The following ANKRD28 variants were observed in gnomAD, a reference collection of about 807,000 sequenced individuals.
ANKRD28 encodes the protein ankyrin repeat domain 28.
Under a neutral mutation model 126.5 loss-of-function variants are expected in ANKRD28, and 44 were observed. The ratio of observed to expected loss-of-function variants is 0.35; its 90% CI spans 0.27 to 0.45. The LOEUF is 0.45. Ranked by LOEUF, ANKRD28 falls within the 20% of genes least tolerant of loss-of-function variation. The pLI is 1.00. For missense variants in ANKRD28, 1,110 were observed against 1,316.6 expected, an observed-to-expected ratio of 0.84 and a Z score of 2.43; for synonymous variants, 442 against 468.5, an observed-to-expected ratio of 0.94 and a Z score of 0.73.
intron 14 of ANKRD28, among the ~76,000 whole-genome samples, chr3:15,705,268 A>G (rs1157014005): frequency 2.0e-5 from 3 of 152,264 alleles, no homozygotes; most frequent in South Asian, 4.1e-4. Context: ...AGATTGGCTT[A>G]CAATGAAACC....
At position 15,815,398 on chromosome 3, in the gene ANKRD28, A is replaced by T. The variant is rs1319631631; in HGVS notation, c.28-20092T>A. 3.3e-5 allele frequency among the ~76,000 whole-genome samples: 5 copies of T among 152,090 alleles called. No homozygotes were observed. The highest frequency in any genetic ancestry group is 4.4e-5 in the Non-Finnish European group (3 of 68,012). On this transcript the variant is annotated intron_variant, in intron 1 of 27. Coordinates refer to the ANKRD28 transcript ENST00000399451. This position sits in a 1 kb window ranked among gnomAD's most constrained non-coding sequence, Gnocchi z 4.1. ...TGTAGTTTCAACCTCCTGGGTTCAA[A>T]TGATCCTCCCACCTCAGCCTCCTCA...
upstream of ANKRD28, among the ~76,000 whole-genome samples, chr3:15,799,051 T>G (rs1017234211): frequency 6.6e-6 from 1 of 152,146 alleles, no homozygotes; most frequent in African/African-American, 2.4e-5. Context: ...ATTAATAAAG[T>G]TGTGTGTTAT....
At chr3:15,842,842 C>A (rs776245916) in intron 1 of ANKRD28, among the ~76,000 whole-genome samples, 1 of 152,084 alleles carries the variant, frequency 6.6e-6, no homozygotes, top group African/African-American at 2.4e-5. Context: ...TTTTCACTAA[C>A]CAAAGAAATT....
At chr3:15,841,062 T>A (rs1380893648) in intron 1 of ANKRD28, among the ~76,000 whole-genome samples, 1 of 152,098 alleles carries the variant, frequency 6.6e-6, no homozygotes, top group Non-Finnish European at 1.5e-5. Context: ...TGCTTGAACC[T>A]GGGAGGCAGA....
At chr3:15,855,115 G>A (rs1307379001) in intron 1 of ANKRD28, among the ~76,000 whole-genome samples, 1 of 152,014 alleles carries the variant, frequency 6.6e-6, no homozygotes, top group African/African-American at 2.4e-5. Flanking sequence ...TGAATATCTG[G>A]GCATCAGTGT....
intron 4 of ANKRD28, among the ~76,000 whole-genome samples, chr3:15,742,047 T>C (rs1337687297): frequency 6.6e-6 from 1 of 152,110 alleles, no homozygotes; most frequent in African/African-American, 2.4e-5. Flanking sequence ...TGCTCAATGG[T>C]GCCCAGGCTG....
chr3:15,784,890 G>A (rs897789255), intron 2 of ANKRD28, among the ~76,000 whole-genome samples: 1 of 152,046 alleles, frequency 6.6e-6, no homozygotes, highest in African/African-American at 2.4e-5. Flanking sequence ...TCCACTGGCA[G>A]AATCTGTCCA....
intron 3 of ANKRD28, among the ~76,000 whole-genome samples, chr3:15,752,662 A>G (rs941452089): frequency 1.3e-5 from 2 of 152,236 alleles, no homozygotes; most frequent in Non-Finnish European, 1.5e-5. Flanking sequence ...CCTATAAGCA[A>G]TCCTAGATTT....
chr3:15,751,678 T>C (rs1220706357), intron 4 of ANKRD28, 72 bp downstream of exon 4: 2 of 995,146 alleles, frequency 2.0e-6, no homozygotes, highest in Non-Finnish European at 3.0e-6. Context: ...ACATAGAATT[T>C]GAATATGGAT....
intron 2 of ANKRD28, among the ~76,000 whole-genome samples, chr3:15,766,830 G>T (rs184602088): frequency 6.2e-4 from 94 of 152,028 alleles, no homozygotes; most frequent in Admixed American, 5.8e-3. Context: ...CACTTTCTTT[G>T]AATAAAGATG....
chr3:15,832,058 C>T (rs2061213521), intron 1 of ANKRD28, among the ~76,000 whole-genome samples: 1 of 152,146 alleles, frequency 6.6e-6, no homozygotes, highest in African/African-American at 2.4e-5. Flanking sequence ...TATGCCAAAG[C>T]ATTGTTACAG....
chr3:15,749,093 A>ATTTTTTTTTTT (rs1559466121), intron 4 of ANKRD28, among the ~76,000 whole-genome samples: 2 of 57,808 alleles, frequency 3.5e-5, no homozygotes, highest in East Asian at 1.4e-3. Flanking sequence ...ATTCTATATT[A>ATTTTTTTTTTT]TGTTTTTGTT....
intron 3 of ANKRD28, among the ~76,000 whole-genome samples, chr3:15,755,818 T>G (rs1217377131): frequency 6.6e-6 from 1 of 152,230 alleles, no homozygotes; most frequent in Non-Finnish European, 1.5e-5. Context: ...GATTAATTTC[T>G]TTACTATTTC....
chr3:15,812,803 A>G lies in ANKRD28; in HGVS notation c.28-17497T>C, dbSNP rs764749159. On this transcript the variant is annotated intron_variant, in intron 1 of 27. Coordinates refer to the ANKRD28 transcript ENST00000399451. The surrounding 1 kb of genome is among the most constrained non-coding windows in gnomAD (Gnocchi z 4.1). ...TAAGTCATTCTATGTACTTTTTTAA[A>G]AGGTGATCATGGGTAGGTAATCTAG... 9.9e-5 allele frequency among the ~76,000 whole-genome samples: 15 copies of G among 152,204 alleles called. No individual in the cohort carries two copies. The highest frequency in any genetic ancestry group is 1.8e-4 in the Non-Finnish European group (12 of 68,036).
At chr3:15,723,734 A>G (rs1186580547) in intron 7 of ANKRD28, among the ~76,000 whole-genome samples, 2 of 152,162 alleles carry the variant, frequency 1.3e-5, no homozygotes, top group Non-Finnish European at 2.9e-5. Flanking sequence ...TTGTGCCACT[A>G]TACTACAGCC....
intron 27 of ANKRD28, among the ~76,000 whole-genome samples, chr3:15,671,330 G>C (rs1449298564): frequency 1.3e-5 from 2 of 152,148 alleles, no homozygotes; most frequent in East Asian, 3.9e-4. Context: ...GACGGAGCGG[G>C]AGAGAAGTGA....
rs981174544 is a variant in ANKRD28 at position 15,669,663 on chromosome 3, C to T, written c.*607G>A. Reference sequence around the variant, plus strand: ...GTTTAATACAGCATTGGAAGGCTTTCAGATGTTTTCTTAAAAAAAAAACAA... The same window carrying T: ...GTTTAATACAGCATTGGAAGGCTTTTAGATGTTTTCTTAAAAAAAAAACAA... On this transcript the variant is annotated 3_prime_UTR_variant, in exon 28 of 28. Coordinates refer to ENST00000683139, the MANE Select transcript of ANKRD28 (RefSeq NM_001349278.2). 2.0e-5 allele frequency: 3 copies of T among 151,994 alleles called. No individual in the cohort carries two copies. Among genetic ancestry groups the T allele is most frequent in the African/African-American group, 7.3e-5 (3 of 41,268 alleles). 9.4% of individuals were successfully genotyped at this position (151,994 alleles called of 1,614,324 possible). A position where few individuals can be genotyped will look rare whatever the true frequency, so the allele number is the denominator to read the frequency against.
chr3:15,690,026 A>G lies in ANKRD28; in HGVS notation c.1956T>C (p.His652=), dbSNP rs1307806131. 2 of 1,606,460 alleles carry G rather than the reference A, an allele frequency of 1.2e-6. No homozygotes were observed. Among genetic ancestry groups the G allele is most frequent in the African/African-American group, 1.3e-5 (1 of 74,974 alleles). The change falls in exon 18 of 28, where the codon CAT becomes CAC. Residue 652 remains histidine (H), a synonymous_variant. Coordinates refer to ENST00000683139, the MANE Select transcript of ANKRD28 (RefSeq NM_001349278.2). ...GCATAATATCTGGCATACCTGCTGCATGAATAGGTGTCCTCTTCAAAATGT... is the reference window on the plus strand; with the variant it reads ...GCATAATATCTGGCATACCTGCTGCGTGAATAGGTGTCCTCTTCAAAATGT... ...KDYILKRTPI[H]AAATNGHSEC...
intron 27 of ANKRD28, among the ~76,000 whole-genome samples, chr3:15,671,192 T>G (rs2066298871): frequency 6.6e-6 from 1 of 152,202 alleles, no homozygotes; most frequent in Non-Finnish European, 1.5e-5. Context: ...AAATATTTCC[T>G]TTGTAAATAT....
Sources: gnomAD v4.1 joint callset for allele counts (sites outside exome capture counted in the v4.1 genomes callset) on GRCh38, gnomAD v4.1.1 for gene constraint, Gnocchi (gnomAD v3.1) non-coding constraint, MANE v1.5 for transcripts, NCBI Gene and HGNC (gene_info 2026-07-23, HGNC 2026-07-21) for gene names.